The following MNAT1 variants were observed in gnomAD, a reference collection of about 807,000 sequenced individuals.
MNAT1 encodes the protein MNAT1 component of CDK activating kinase, also known as CDK-activating kinase assembly factor MAT1.
MNAT1 carries 43 observed loss-of-function variants against 42.0 expected under a neutral mutation model. The ratio of observed to expected loss-of-function variants is 1.02; its 90% CI spans 0.80 to 1.32. MNAT1 has a LOEUF of 1.32. Ranked by LOEUF, MNAT1 falls within the 40% of genes most tolerant of loss-of-function variation. MNAT1 has a pLI of 0.00. For synonymous variants in MNAT1, 118 were observed against 120.0 expected, an observed-to-expected ratio of 0.98 and a Z score of 0.11; for missense variants, 306 against 350.4, an observed-to-expected ratio of 0.87 and a Z score of 1.01.
At chr14:60,964,995 G>A (rs183079431) in intron 7 of MNAT1, among the ~76,000 whole-genome samples, 13 of 152,186 alleles carry the variant, frequency 8.5e-5, no homozygotes, top group African/African-American at 2.6e-4. Flanking sequence ...TTTTTTATTG[G>A]CATTAATGTA....
intron 4 of MNAT1, chr14:60,808,936 T>C (rs1053439929): frequency 2.6e-5 from 4 of 152,208 alleles, no homozygotes; most frequent in African/African-American, 9.6e-5. Flanking sequence ...TCTCAATTAG[T>C]TACCTTTTTT....
intron 7 of MNAT1, among the ~76,000 whole-genome samples, chr14:60,885,473 A>T (rs963116532): frequency 7.9e-5 from 12 of 151,246 alleles, no homozygotes; most frequent in Admixed American, 7.9e-4. Flanking sequence ...CTATTAAGAG[A>T]CTCTGGTTTT....
In MNAT1 at chr14:60,940,982, G is replaced by A. The variant is rs368688127; in HGVS notation, c.810-27247G>A. On this transcript the variant is annotated intron_variant, in intron 7 of 7. Transcript: ENST00000261245. The stretch of plus-strand genomic sequence containing the variant: ...CTCTAGATAATGTTAACTGTATGAC[G>A]TTCCCACCTAGTGTTAATATTTGAA... Among the ~76,000 whole-genome samples the A allele has an allele frequency of 5.9e-5, 9 of 152,230 alleles. No individual in the cohort carries two copies. In the East Asian group the frequency reaches 1.3e-3, roughly 23 times the overall value.
intron 7 of MNAT1, among the ~76,000 whole-genome samples, chr14:60,957,821 T>G (rs1312463126): frequency 6.6e-6 from 1 of 152,092 alleles, no homozygotes; most frequent in Non-Finnish European, 1.5e-5. Context: ...TTTACCTTTG[T>G]CAGTGAGTTT....
At chr14:60,823,475 C>T (rs2032962548) in intron 6 of MNAT1, among the ~76,000 whole-genome samples, 1 of 152,124 alleles carries the variant, frequency 6.6e-6, no homozygotes, top group East Asian at 1.9e-4. Flanking sequence ...CCTTTATGTT[C>T]TTCTGAATGT....
chr14:60,899,928 T>C (rs2035037127), intron 7 of MNAT1, among the ~76,000 whole-genome samples: 2 of 114,162 alleles, frequency 1.8e-5, no homozygotes, highest in African/African-American at 6.2e-5. Context: ...TGATTTGTGA[T>C]TAGTGATCTT....
chr14:60,922,685 A>AG (rs963015310), intron 7 of MNAT1, among the ~76,000 whole-genome samples: 3 of 152,234 alleles, frequency 2.0e-5, no homozygotes, highest in East Asian at 3.9e-4. Flanking sequence ...GAAAAAAAAA[A>AG]CTTTCAAGTT....
intron 7 of MNAT1, among the ~76,000 whole-genome samples, chr14:60,908,343 T>C (rs2035260620): frequency 6.6e-6 from 1 of 152,192 alleles, no homozygotes; most frequent in Admixed American, 6.5e-5. Flanking sequence ...TATTATACTT[T>C]AAGTTTTACG....
intron 4 of MNAT1, 21 bp downstream of exon 4, chr14:60,808,449 T>C: frequency 7.2e-7 from 1 of 1,387,254 alleles, no homozygotes; most frequent in South Asian, 1.3e-5. Context: ...AAGTATTTTC[T>C]TCTTATTTTG....
chr14:60,912,364 A>G (rs1282491859), intron 7 of MNAT1, among the ~76,000 whole-genome samples: 8 of 152,048 alleles, frequency 5.3e-5, no homozygotes, highest in African/African-American at 2.4e-5. Context: ...TCCTGTCATT[A>G]TGATGTTAGC....
intron 6 of MNAT1, among the ~76,000 whole-genome samples, chr14:60,872,055 A>C (rs1270938694): frequency 2.0e-5 from 3 of 152,098 alleles, no homozygotes; most frequent in African/African-American, 7.2e-5. Flanking sequence ...TTGCATTGCT[A>C]TGAAGGAATA....
At chr14:60,931,848 A>G (rs1293840463) in intron 7 of MNAT1, among the ~76,000 whole-genome samples, 1 of 151,974 alleles carries the variant, frequency 6.6e-6, no homozygotes, top group Non-Finnish European at 1.5e-5. Flanking sequence ...AACATCCTCA[A>G]AGTTTTTTTT....
chr14:60,898,534 T>A (rs1361264536), intron 7 of MNAT1, among the ~76,000 whole-genome samples: 1 of 152,196 alleles, frequency 6.6e-6, no homozygotes, highest in Non-Finnish European at 1.5e-5. Flanking sequence ...CATTTTTTCA[T>A]ATACCTGTTG....
chr14:60,843,452 A>G (rs932109676), intron 6 of MNAT1, among the ~76,000 whole-genome samples: 2 of 151,746 alleles, frequency 1.3e-5, no homozygotes, highest in Non-Finnish European at 2.9e-5. Flanking sequence ...TGGTATTTTT[A>G]GTAGAGACGG....
At chr14:60,897,668 A>G (rs1236424207) in intron 7 of MNAT1, among the ~76,000 whole-genome samples, 1 of 152,144 alleles carries the variant, frequency 6.6e-6, no homozygotes, top group Non-Finnish European at 1.5e-5. Flanking sequence ...TTTTACATGC[A>G]TAGAATGTGT....
chr14:60,923,475 C>G (rs2035703690), intron 7 of MNAT1, among the ~76,000 whole-genome samples: 1 of 152,154 alleles, frequency 6.6e-6, no homozygotes, highest in Non-Finnish European at 1.5e-5. Flanking sequence ...CCTACTATAT[C>G]TTATCTTTAC....
intron 7 of MNAT1, among the ~76,000 whole-genome samples, chr14:60,962,921 A>G (rs919077452): frequency 1.3e-5 from 2 of 152,334 alleles, no homozygotes; most frequent in South Asian, 4.1e-4. Flanking sequence ...TAAGAGTAAC[A>G]TATGACTGCC....
chr14:60,834,998 T>G (rs77709238), intron 6 of MNAT1, among the ~76,000 whole-genome samples: 1 of 53,672 alleles, frequency 1.9e-5, no homozygotes, highest in African/African-American at 6.1e-5. Context: ...CCGCCCTCCC[T>G]CCCTCCCTCC....
chr14:60,835,903 C>G (rs1170854981), intron 6 of MNAT1, among the ~76,000 whole-genome samples: 2 of 152,126 alleles, frequency 1.3e-5, no homozygotes, highest in Non-Finnish European at 2.9e-5. Flanking sequence ...TTCACATAGT[C>G]CCATATTTCT....
Sources: gnomAD v4.1 joint callset for allele counts (sites outside exome capture counted in the v4.1 genomes callset) on GRCh38, gnomAD v4.1.1 for gene constraint, MANE v1.5 for transcripts, NCBI Gene and HGNC (gene_info 2026-07-23, HGNC 2026-07-21) for gene names.